Variants in TSHZ2 observed in about 807,000 individuals in gnomAD.
The protein encoded by TSHZ2 is teashirt zinc finger homeobox 2.
In TSHZ2, 21 loss-of-function variants were observed where a neutral mutation model predicts 74.4. That is an observed-to-expected ratio of 0.28 (90% confidence interval 0.20 to 0.41). The LOEUF (loss-of-function observed/expected upper bound fraction) is 0.41, where lower values mean the gene tolerates loss of function less well. TSHZ2 is among the 10% of genes least tolerant of loss of function. TSHZ2 has a pLI of 1.00. For missense variants in TSHZ2, 1,244 were observed against 1,293.5 expected (o/e 0.96, Z 0.59); for synonymous variants, 540 against 515.3 (o/e 1.05, Z -0.65).
rs1981924083 is a variant in TSHZ2, at chr20:52,990,095, C to T, written c.40+16762C>T. 2.0e-5 allele frequency among the ~76,000 whole-genome samples: 3 copies of T among 151,902 alleles called. No homozygotes were observed. The South Asian group carries it at 6.2e-4, about 31-fold the overall frequency. ...TAAATTTTTCACCATTGCACAAAATCCTGTATTGAATATTGGTGGTAATTT... is the reference window on the plus strand; with the variant it reads ...TAAATTTTTCACCATTGCACAAAATTCTGTATTGAATATTGGTGGTAATTT... On this transcript the variant is annotated intron_variant, in intron 1 of 2. Coordinates refer to ENST00000371497, the MANE Select transcript of TSHZ2 (RefSeq NM_173485.6).
intron 1 of TSHZ2, among the ~76,000 whole-genome samples, chr20:53,117,346 C>A (rs1460038472): frequency 6.6e-6 from 1 of 152,184 alleles, no homozygotes; most frequent in African/African-American, 2.4e-5. Flanking sequence ...TAATTTAAGT[C>A]ATTCATCCAC....
At chr20:53,417,422 AG>A (rs1022774892) in intron 2 of TSHZ2, among the ~76,000 whole-genome samples, 4 of 152,158 alleles carry the variant, frequency 2.6e-5, no homozygotes, top group African/African-American at 9.6e-5. Flanking sequence ...GCAGCCTCCC[AG>A]GTAGCTGAGA....
chr20:53,254,232 C>T lies in TSHZ2; in HGVS notation c.774C>T (p.Pro258=). The part of the protein sequence containing the change: ...DKLRPTSYSK[P]RKRAFQDMDK... ...TCAGACCCACGAGCTATTCAAAGCC[C>T]AGGAAAAGGGCTTTCCAGGATATGG... Residue 258 remains proline, a synonymous_variant, in exon 2 of 3, where the codon CCC becomes CCT. Transcript: ENST00000371497. The T allele has an allele frequency of 6.2e-7, 1 of 1,614,110 alleles. No homozygotes were observed.
At chr20:53,190,188 T>C (rs1372164946) in intron 1 of TSHZ2, among the ~76,000 whole-genome samples, 1 of 144,010 alleles carries the variant, frequency 6.9e-6, no homozygotes, top group Non-Finnish European at 1.5e-5. Flanking sequence ...TGTGTTTCTG[T>C]GTGTTTAGGT....
chr20:53,240,110 C>T (rs1345395355), intron 1 of TSHZ2, among the ~76,000 whole-genome samples: 1 of 152,156 alleles, frequency 6.6e-6, no homozygotes, highest in East Asian at 1.9e-4. Context: ...CACCATTCCT[C>T]ATACTAGCAA....
intron 1 of TSHZ2, among the ~76,000 whole-genome samples, chr20:53,015,886 G>T (rs571797814): frequency 2.0e-5 from 3 of 152,184 alleles, no homozygotes; most frequent in Non-Finnish European, 4.4e-5. Context: ...GGGGCTGAAA[G>T]TAAGGGCAGC....
chr20:53,209,486 G>A (rs1989249937), intron 1 of TSHZ2, among the ~76,000 whole-genome samples: 1 of 152,146 alleles, frequency 6.6e-6, no homozygotes, highest in Non-Finnish European at 1.5e-5. Context: ...AGCTGTTTGG[G>A]GCAATGAAAT....
intron 2 of TSHZ2, among the ~76,000 whole-genome samples, chr20:53,454,030 G>A (rs6068548): frequency 0.33 from 50,133 of 151,980 alleles, 8,573 homozygotes; most frequent in Non-Finnish European, 0.35. Context: ...ATACACACAT[G>A]CACCAAAATG....
intron 1 of TSHZ2, among the ~76,000 whole-genome samples, chr20:53,046,640 A>C (rs771144882): frequency 8.5e-5 from 13 of 152,226 alleles, no homozygotes; most frequent in East Asian, 3.9e-4. Context: ...TTTGATTAAA[A>C]AAAACAAAAC....
intron 2 of TSHZ2, among the ~76,000 whole-genome samples, chr20:53,332,586 C>T (rs183649242): frequency 1.3e-5 from 2 of 152,122 alleles, no homozygotes; most frequent in Non-Finnish European, 2.9e-5. Context: ...CATGCAGGCA[C>T]GCATGTGTTT....
intron 2 of TSHZ2, among the ~76,000 whole-genome samples, chr20:53,306,597 T>A (rs1041468994): frequency 4.0e-5 from 6 of 151,746 alleles, no homozygotes; most frequent in African/African-American, 1.2e-4. Flanking sequence ...GAAAAAAAAA[T>A]AGTTAAATAT....
chr20:53,314,287 C>CAAAAAAAAAAA (rs5841941), intron 2 of TSHZ2, among the ~76,000 whole-genome samples: 1 of 131,710 alleles, frequency 7.6e-6, no homozygotes, highest in Non-Finnish European at 1.6e-5. Context: ...GACTCTGTCT[C>CAAAAAAAAAAA]AAAAAAAAAA....
At chr20:53,466,272 AAG>A (rs1985560871) in intron 2 of TSHZ2, among the ~76,000 whole-genome samples, 1 of 151,832 alleles carries the variant, frequency 6.6e-6, no homozygotes, top group Non-Finnish European at 1.5e-5. Context: ...AAAAAAAAAA[AAG>A]AAAGAGAAAA....
At chr20:53,446,528 A>G (rs6022482) in intron 2 of TSHZ2, among the ~76,000 whole-genome samples, 24,765 of 148,966 alleles carry the variant, frequency 0.17, 2,211 homozygotes, top group East Asian at 0.31. Flanking sequence ...GCAGTGAGTC[A>G]AGATCGCACC....
intron 2 of TSHZ2, among the ~76,000 whole-genome samples, chr20:53,286,292 T>C (rs1417817340): frequency 6.6e-6 from 1 of 152,222 alleles, no homozygotes; most frequent in Non-Finnish European, 1.5e-5. Flanking sequence ...TCATGAGGCT[T>C]TGTGAGGCAA....
chr20:53,009,344 A>T (rs1282556449), intron 1 of TSHZ2, among the ~76,000 whole-genome samples: 2 of 152,044 alleles, frequency 1.3e-5, no homozygotes, highest in East Asian at 3.9e-4. Context: ...CCTCAAAAAA[A>T]TTCACAACAA....
intron 1 of TSHZ2, among the ~76,000 whole-genome samples, chr20:53,051,223 C>T (rs1984447648): frequency 6.6e-6 from 1 of 152,078 alleles, no homozygotes; most frequent in Non-Finnish European, 1.5e-5. Context: ...CCTGTAATCC[C>T]AGCTACTTGG....
intron 2 of TSHZ2, among the ~76,000 whole-genome samples, chr20:53,417,813 C>A (rs1283328256): frequency 6.6e-6 from 1 of 152,116 alleles, no homozygotes; most frequent in African/African-American, 2.4e-5. Flanking sequence ...TAATAATCCT[C>A]CTTCTATGGC....
intron 1 of TSHZ2, among the ~76,000 whole-genome samples, chr20:53,027,923 G>A (rs897922884): frequency 6.6e-6 from 1 of 152,154 alleles, no homozygotes; most frequent in Admixed American, 6.5e-5. Context: ...TGGTCACCAG[G>A]TAGAAACTTG....
Sources: gnomAD v4.1 joint callset for allele counts (sites outside exome capture counted in the v4.1 genomes callset) on GRCh38, gnomAD v4.1.1 for gene constraint, MANE v1.5 for transcripts, NCBI Gene and HGNC (gene_info 2026-07-23, HGNC 2026-07-21) for gene names.